PLXNA2: variants seen among roughly 807,000 people sequenced by gnomAD.
PLXNA2 encodes the protein plexin-A2.
PLXNA2 carries 91 observed loss-of-function variants against 193.5 expected under a neutral mutation model. The ratio of observed to expected loss-of-function variants is 0.47; its 90% CI spans 0.40 to 0.56. PLXNA2 has a LOEUF of 0.56. Ranked by LOEUF, PLXNA2 falls within the 20% of genes least tolerant of loss-of-function variation. The probability of loss-of-function intolerance (pLI) is 0.00; values close to 1 mark genes in which losing one functional copy is unlikely to be tolerated. For synonymous variants in PLXNA2, 997 were observed against 1,027.3 expected (o/e 0.97, Z 0.56); for missense variants, 1,995 against 2,503.2 (o/e 0.80, Z 4.33).
At chr1:208,121,323 G>C (rs190038308) in intron 4 of PLXNA2, among the ~76,000 whole-genome samples, 3 of 152,248 alleles carry the variant, frequency 2.0e-5, no homozygotes, top group Admixed American at 2.0e-4. Flanking sequence ...AGGCGAAATG[G>C]TCTCTGTGTT....
rs1377531429 is a variant in PLXNA2, at chr1:208,034,517, A to C, written c.4840T>G (p.Ser1614Ala). Residue 1614 changes from serine to alanine, a missense_variant, in exon 27 of 32, where the codon TCC (serine) becomes GCC (alanine). Physicochemically the swap from Ser to Ala is moderately conservative, Grantham distance 99. Around this residue, in one of 3 missense-constraint regions of PLXNA2, gnomAD observed 1,291 missense variants for 1,673.6 expected, o/e 0.77. Coordinates refer to ENST00000367033, the MANE Select transcript of PLXNA2 (RefSeq NM_025179.4). ...SYNIPASASI[S>A]RTSISRYDSS... ...CCGTATCTGCTGATGGACGTCCGGGAGATGCTGGCAGAGGCAGGGATGTTG... is the reference window on the plus strand; with the variant it reads ...CCGTATCTGCTGATGGACGTCCGGGCGATGCTGGCAGAGGCAGGGATGTTG... 15 of 1,613,620 alleles carry C rather than the reference A, an allele frequency of 9.3e-6. No homozygotes were observed. The highest frequency in any genetic ancestry group is 1.3e-5 in the Non-Finnish European group (15 of 1,179,656).
intron 17 of PLXNA2, among the ~76,000 whole-genome samples, chr1:208,046,378 G>A (rs919224995): frequency 5.3e-5 from 8 of 152,156 alleles, no homozygotes; most frequent in African/African-American, 1.9e-4. Context: ...GTGCTAGGAG[G>A]TGGGGCTATA....
intron 4 of PLXNA2, among the ~76,000 whole-genome samples, chr1:208,122,902 A>G (rs962396718): frequency 6.6e-6 from 1 of 152,204 alleles, no homozygotes; most frequent in East Asian, 1.9e-4. Context: ...AAGATTTTTA[A>G]TATAAGAGCT....
chr1:208,199,782 GTGGGTAAGAACC>G (rs1338580690), intron 3 of PLXNA2, among the ~76,000 whole-genome samples: 9 of 152,122 alleles, frequency 5.9e-5, no homozygotes, highest in African/African-American at 2.2e-4. Flanking sequence ...TCTTGCCTCC[GTGGGTAAGAACC>G]TGGGTGAGTT....
At position 208,105,916 on chromosome 1, in the gene PLXNA2, C is replaced by A. The variant is rs1037798947; in HGVS notation, c.1507-2669G>T. 3.9e-5 allele frequency among the ~76,000 whole-genome samples: 6 copies of A among 152,208 alleles called. No homozygotes were observed. In the East Asian group the frequency reaches 1.2e-3, roughly 29 times the overall value. On this transcript the variant is annotated intron_variant, in intron 4 of 31. Coordinates refer to ENST00000367033, the MANE Select transcript of PLXNA2 (RefSeq NM_025179.4). ...TGTCAAAACACAGCCCAGCCCTCAG[C>A]AGCTGGGAAAAGGGGCCCTGAATGG...
At chr1:208,139,976 C>A (rs1668415057) in intron 4 of PLXNA2, among the ~76,000 whole-genome samples, 2 of 152,214 alleles carry the variant, frequency 1.3e-5, no homozygotes, top group East Asian at 1.9e-4. Context: ...GTAATCACAG[C>A]TCCATCTGGT....
intron 4 of PLXNA2, among the ~76,000 whole-genome samples, chr1:208,115,284 C>T (rs1161822421): frequency 1.3e-5 from 2 of 152,204 alleles, no homozygotes; most frequent in Non-Finnish European, 2.9e-5. Flanking sequence ...ACACCGGGCA[C>T]ATATACTTTG....
At chr1:208,168,724 G>GTTTTTTTTTTTTTT (rs10668701) in intron 3 of PLXNA2, among the ~76,000 whole-genome samples, 4 of 73,190 alleles carry the variant, frequency 5.5e-5, no homozygotes, top group East Asian at 4.8e-4. Flanking sequence ...AGTATGCGGG[G>GTTTTTTTTTTTTTT]TTTTTTTTTT....
chr1:208,143,412 A>AGCTGAT (rs980872265), intron 3 of PLXNA2, among the ~76,000 whole-genome samples: 1 of 152,232 alleles, frequency 6.6e-6, no homozygotes, highest in Non-Finnish European at 1.5e-5. Context: ...CAAATTCCCC[A>AGCTGAT]GCTGATGCTG....
At chr1:208,065,726 G>C (rs1039400421) in intron 12 of PLXNA2, among the ~76,000 whole-genome samples, 22 of 152,232 alleles carry the variant, frequency 1.4e-4, no homozygotes, top group Non-Finnish European at 2.9e-4. Flanking sequence ...CGAAGCCTGA[G>C]CTTGGGCAGG....
chr1:208,186,205 G>T (rs1669992543), intron 3 of PLXNA2, among the ~76,000 whole-genome samples: 1 of 152,238 alleles, frequency 6.6e-6, no homozygotes, highest in East Asian at 1.9e-4. Context: ...ACCATTAAAG[G>T]CTTGGGTAGG....
intron 3 of PLXNA2, among the ~76,000 whole-genome samples, chr1:208,181,196 T>C (rs1669829651): frequency 6.6e-6 from 1 of 152,188 alleles, no homozygotes; most frequent in African/African-American, 2.4e-5. Flanking sequence ...GACAATCCCA[T>C]CTACCACTTC....
At chr1:208,215,059 C>T (rs1671081644) in intron 2 of PLXNA2, among the ~76,000 whole-genome samples, 1 of 151,846 alleles carries the variant, frequency 6.6e-6, no homozygotes, top group Non-Finnish European at 1.5e-5. Context: ...GTCACCCAGG[C>T]TGGAGTATAG....
At chr1:208,053,443 T>C (rs1015315833) in intron 14 of PLXNA2, among the ~76,000 whole-genome samples, 1 of 152,126 alleles carries the variant, frequency 6.6e-6, no homozygotes. Context: ...ATGGAGTAGG[T>C]TGGCTGCAGA....
chr1:208,082,360 C>A lies in PLXNA2; in HGVS notation c.2395+52G>T. The A allele has an allele frequency of 6.9e-7, 1 of 1,438,990 alleles. No homozygotes were observed. Among genetic ancestry groups the A allele is most frequent in the Non-Finnish European group, 9.7e-7 (1 of 1,029,638 alleles). 89.1% of individuals were successfully genotyped at this position (1,438,990 alleles called of 1,614,324 possible). ...TGGCTCTGATCCCTCTAGCCCCAGT[C>A]TTTCCCGGGGTCGTGAAAAGATCAA... On this transcript the variant is annotated intron_variant, in intron 11 of 31. Transcript: ENST00000367033. The surrounding 1 kb of genome is among the most constrained non-coding windows in gnomAD (Gnocchi z 4.2).
intron 12 of PLXNA2, among the ~76,000 whole-genome samples, chr1:208,065,418 A>G (rs1665759646): frequency 6.6e-6 from 1 of 152,220 alleles, no homozygotes; most frequent in Non-Finnish European, 1.5e-5. Flanking sequence ...TCAAAAACAG[A>G]TAATAATGCT....
Position 208,025,675 on chromosome 1 carries a change from G to A in PLXNA2, c.*1568C>T, listed in dbSNP as rs1452056449. ...ACCAAGGTCCTGACACTCACAGAGC[G>A]CCTTTCCTCTCGATGACTCCCACTG... On this transcript the variant is annotated 3_prime_UTR_variant, in exon 32 of 32. Coordinates refer to ENST00000367033, the MANE Select transcript of PLXNA2 (RefSeq NM_025179.4). 6.6e-6 allele frequency: 1 copy of A among 152,226 alleles called. No homozygotes were observed. The highest frequency in any genetic ancestry group is 1.5e-5 in the Non-Finnish European group (1 of 68,084). The allele number at this position is 152,226 out of a possible 1,614,324, so 9.4% of individuals were successfully genotyped here.
At chr1:208,239,294 C>T (rs575914836) in intron 1 of PLXNA2, among the ~76,000 whole-genome samples, 31 of 152,254 alleles carry the variant, frequency 2.0e-4, no homozygotes, top group Admixed American at 8.5e-4. Flanking sequence ...CAGAAAACCC[C>T]CTTCTGCCTG....
At position 208,079,292 on chromosome 1, in the gene PLXNA2, T is replaced by C; in HGVS notation, c.2554A>G (p.Asn852Asp). Residue 852 changes from asparagine (N) to aspartate (D), a missense_variant, in exon 12 of 32, where the codon AAT (asparagine) becomes GAT (aspartate). Physicochemically the swap from Asn to Asp is conservative, Grantham distance 23. Around this residue, in one of 3 missense-constraint regions of PLXNA2, gnomAD observed 1,291 missense variants for 1,673.6 expected, o/e 0.77. Transcript: ENST00000367033. ...ATTTGAGGGTTGGAGCACTTGACAT[T>C]GTGGCTGGACCAGTCGAGCCAGGGG... ...SSPWLDWSSH[N>D]VKCSNPQITE... 1 of 1,611,302 alleles carries C rather than the reference T, an allele frequency of 6.2e-7. No individual in the cohort carries two copies. The highest frequency in any genetic ancestry group is 8.5e-7 in the Non-Finnish European group (1 of 1,177,636).
Sources: gnomAD v4.1 joint callset for allele counts (sites outside exome capture counted in the v4.1 genomes callset) on GRCh38, gnomAD v4.1.1 for gene constraint, gnomAD v4.1.1 regional missense constraint, Gnocchi (gnomAD v3.1) non-coding constraint, MANE v1.5 for transcripts, NCBI Gene and HGNC (gene_info 2026-07-23, HGNC 2026-07-21) for gene names.